Variants in EPB41L1 observed in about 807,000 individuals in gnomAD.
The protein encoded by EPB41L1 is band 4.1-like protein 1.
Under a neutral mutation model 97.8 loss-of-function variants are expected in EPB41L1, and 29 were observed. The observed-to-expected ratio is 0.30, with a 90% CI of 0.22 to 0.40. The LOEUF is 0.40. EPB41L1 is among the 10% of genes least tolerant of loss of function. EPB41L1 has a pLI of 1.00. For synonymous variants in EPB41L1, 383 were observed against 459.2 expected (o/e 0.83, Z 2.12); for missense variants, 812 against 1,162.3 (o/e 0.70, Z 4.38).
intron 19 of EPB41L1, among the ~76,000 whole-genome samples, chr20:36,221,531 G>A (rs2063778963): frequency 6.6e-6 from 1 of 152,312 alleles, no homozygotes; most frequent in African/African-American, 2.4e-5. Flanking sequence ...CAGGCAGAGA[G>A]GTCCAGAACT....
In EPB41L1 at chr20:36,146,133, C is replaced by T. The variant is rs73283502; in HGVS notation, c.-9-29418C>T. Among the ~76,000 whole-genome samples, 1,222 of 152,308 alleles carry T rather than the reference C, an allele frequency of 8.0e-3. 11 individuals are homozygous for T. Among genetic ancestry groups the T allele is most frequent in the Middle Eastern group, 0.027 (8 of 294 alleles). On this transcript the variant is annotated intron_variant, in intron 2 of 19. Coordinates refer to the EPB41L1 transcript ENST00000202028. Reference sequence around the variant, plus strand: ...TGTCCTCTTCTTACAACCTTTAGTGCTTTCTGTTTTACATTGCAGTTGGCT... The same window carrying T: ...TGTCCTCTTCTTACAACCTTTAGTGTTTTCTGTTTTACATTGCAGTTGGCT...
At chr20:36,220,136 G>C (rs768654252) in intron 19 of EPB41L1, among the ~76,000 whole-genome samples, 22 of 152,272 alleles carry the variant, frequency 1.4e-4, no homozygotes, top group Admixed American at 6.5e-5. Flanking sequence ...GAATCTAGAC[G>C]GGGTGACATA....
At chr20:36,160,698 C>A (rs2060493539) in intron 1 of EPB41L1, among the ~76,000 whole-genome samples, 1 of 152,174 alleles carries the variant, frequency 6.6e-6, no homozygotes, top group African/African-American at 2.4e-5. Flanking sequence ...TGTATCCTTC[C>A]AGGATATTTT....
intron 1 of EPB41L1, among the ~76,000 whole-genome samples, chr20:36,098,722 G>C (rs1452322419): frequency 6.6e-6 from 1 of 152,146 alleles, no homozygotes; most frequent in African/African-American, 2.4e-5. Context: ...GTTGGGAGGG[G>C]ACACTGTTCA....
chr20:36,208,966 G>A (rs906573072), intron 14 of EPB41L1, among the ~76,000 whole-genome samples: 1 of 152,156 alleles, frequency 6.6e-6, no homozygotes, highest in African/African-American at 2.4e-5. Flanking sequence ...CCCTCCCCCG[G>A]AGACTCAGTG....
chr20:36,110,365 G>A (rs900807807), intron 1 of EPB41L1, among the ~76,000 whole-genome samples: 4 of 152,178 alleles, frequency 2.6e-5, no homozygotes, highest in African/African-American at 7.2e-5. Flanking sequence ...CCAAGCTGGA[G>A]CTGATTCTGT....
chr20:36,168,459 G>T (rs1346572963), intron 1 of EPB41L1, among the ~76,000 whole-genome samples: 1 of 151,988 alleles, frequency 6.6e-6, no homozygotes, highest in African/African-American at 2.4e-5. Flanking sequence ...CCTCCTCACT[G>T]CAGCTTCCCA....
intron 21 of EPB41L1, among the ~76,000 whole-genome samples, chr20:36,227,644 A>G (rs2064247006): frequency 2.0e-5 from 3 of 152,170 alleles, no homozygotes; most frequent in African/African-American, 7.2e-5. Flanking sequence ...CTGGTGCCTG[A>G]GGCCCTGTCT....
intron 2 of EPB41L1, among the ~76,000 whole-genome samples, chr20:36,115,434 A>G (rs576274727): frequency 6.6e-6 from 1 of 152,354 alleles, no homozygotes; most frequent in African/African-American, 2.4e-5. Flanking sequence ...GTCTACCTCC[A>G]TACAAATCCA....
In EPB41L1 at chr20:36,200,840, T is replaced by A. The variant is rs539951710; in HGVS notation, c.1668+2799T>A. 4.4e-6 allele frequency: 2 copies of A among 455,428 alleles called. 1 individual carries two copies. Among genetic ancestry groups the A allele is most frequent in the African/African-American group, 4.0e-5 (2 of 50,102 alleles). The allele number at this position is 455,428 out of a possible 1,614,324, so 28.2% of individuals were successfully genotyped here. A position where few individuals can be genotyped will look rare whatever the true frequency, so the allele number is the denominator to read the frequency against. On this transcript the variant is annotated intron_variant, in intron 14 of 21. Transcript: ENST00000338074. The stretch of plus-strand genomic sequence containing the variant: ...GTCTCTCCTTCCCTTCCTCCCTCTT[T>A]CCCTTTCCTCTGGCTCTGGGCCTCC...
intron 17 of EPB41L1, among the ~76,000 whole-genome samples, chr20:36,217,781 C>T (rs950714491): frequency 2.6e-5 from 4 of 152,142 alleles, no homozygotes; most frequent in Non-Finnish European, 5.9e-5. Context: ...TGCTGGCAGC[C>T]TCAGCAGGAT....
In EPB41L1 at chr20:36,197,950, T is replaced by C; in HGVS notation, c.1577T>C (p.Ile526Thr). The change falls in exon 14 of 22, where the codon ATC becomes ACC. Residue 526 changes from isoleucine (I) to threonine (T), a missense_variant. Transcript: ENST00000338074. ...CTGAAGGAGCCCAACAGCAAACTCA[T>C]CCACCGGGATCGAGACTGGGAACGG... The part of the protein sequence containing the change: ...RTLKEPNSKL[I>T]HRDRDWERER... The C allele has an allele frequency of 6.2e-7, 1 of 1,614,090 alleles. No individual in the cohort carries two copies. Among genetic ancestry groups the C allele is most frequent in the Non-Finnish European group, 8.5e-7 (1 of 1,180,032 alleles).
chr20:36,186,045 A>T (rs2061670610), intron 7 of EPB41L1, among the ~76,000 whole-genome samples: 1 of 152,226 alleles, frequency 6.6e-6, no homozygotes, highest in Non-Finnish European at 1.5e-5. Context: ...AAGTTAGATT[A>T]TCAGTGTCTC....
chr20:36,173,981 C>A (rs955260419), intron 2 of EPB41L1, 27 bp downstream of exon 2: 3 of 1,597,894 alleles, frequency 1.9e-6, no homozygotes, highest in Non-Finnish European at 2.6e-6. Flanking sequence ...ATGGGCGTAC[C>A]TTTCCTGCCC....
chr20:36,113,268 C>T (rs1410397281), intron 2 of EPB41L1, among the ~76,000 whole-genome samples: 2 of 152,142 alleles, frequency 1.3e-5, no homozygotes, highest in Non-Finnish European at 1.5e-5. Flanking sequence ...TGGGAAATTT[C>T]GAAGTAACAT....
chr20:36,189,844 T>TC (rs1156618380), intron 9 of EPB41L1, among the ~76,000 whole-genome samples: 2 of 152,198 alleles, frequency 1.3e-5, no homozygotes, highest in Non-Finnish European at 2.9e-5. Flanking sequence ...GAGTAAGGGC[T>TC]CAATCACCCT....
chr20:36,180,465 G>A (rs1643826020), intron 5 of EPB41L1, among the ~76,000 whole-genome samples: 1 of 152,158 alleles, frequency 6.6e-6, no homozygotes, highest in Admixed American at 6.5e-5. Flanking sequence ...CATGAAGTGG[G>A]GGTGACAGTT....
chr20:36,182,199 C>A, intron 5 of EPB41L1, 73 bp from the exon 6 acceptor site: 1 of 1,377,674 alleles, frequency 7.3e-7, no homozygotes, highest in Non-Finnish European at 1.0e-6. Flanking sequence ...GAAAAACTGC[C>A]CAGAGGATGG....
chr20:36,134,546 A>G (rs1252141637), intron 2 of EPB41L1, among the ~76,000 whole-genome samples: 1 of 152,170 alleles, frequency 6.6e-6, no homozygotes, highest in Non-Finnish European at 1.5e-5. Flanking sequence ...AGTTTTTTCT[A>G]TTACATTTAT....
Sources: gnomAD v4.1 joint callset for allele counts (sites outside exome capture counted in the v4.1 genomes callset) on GRCh38, gnomAD v4.1.1 for gene constraint, MANE v1.5 for transcripts, NCBI Gene and HGNC (gene_info 2026-07-23, HGNC 2026-07-21) for gene names.